Variants in MYO7A observed in about 807,000 individuals in gnomAD.
The protein encoded by MYO7A is myosin VIIA.
A neutral mutation model predicts 263.8 loss-of-function variants in MYO7A; 210 were observed. That is an observed-to-expected ratio of 0.80 (90% CI 0.71 to 0.89). The LOEUF is 0.89. Among genes scored for constraint, MYO7A ranks in the 40% least tolerant of loss-of-function variants. The pLI, the probability that MYO7A is intolerant of heterozygous loss-of-function variation, is 0.00. For synonymous variants in MYO7A, 1,239 were observed against 1,197.3 expected (o/e 1.03, Z -0.72); for missense variants, 2,820 against 2,968.3 (o/e 0.95, Z 1.16).
chr11:77,177,734 C>A, intron 19 of MYO7A, 91 bp downstream of exon 19: 9 of 1,071,556 alleles, frequency 8.4e-6, no homozygotes, highest in Admixed American at 4.2e-5. Flanking sequence ...CGCATGAACA[C>A]TAGGAAAAAA....
chr11:77,162,460 C>T, intron 13 of MYO7A, 130 bp downstream of exon 13: 1 of 899,842 alleles, frequency 1.1e-6, no homozygotes, highest in Non-Finnish European at 1.7e-6. Context: ...GCTCAGGGGC[C>T]AATTCAAGTA....
chr11:77,194,616 G>T, intron 32 of MYO7A, 92 bp downstream of exon 32: 2 of 1,365,478 alleles, frequency 1.5e-6, no homozygotes, highest in Admixed American at 5.1e-5. Flanking sequence ...TGTTGGGGCT[G>T]CGGGGGATGG....
chr11:77,181,687 C>T (rs2135488747), intron 23 of MYO7A, 98 bp downstream of exon 23: 2 of 1,196,800 alleles, frequency 1.7e-6, no homozygotes, highest in South Asian at 2.9e-5. Context: ...CACCCAGTCC[C>T]TCTGAACAGT....
chr11:77,147,796 A>G lies in MYO7A; in HGVS notation c.133-2A>G, dbSNP rs782064437. The G allele has an allele frequency of 4.2e-5, 67 of 1,608,948 alleles. No individual in the cohort carries two copies. The highest frequency in any genetic ancestry group is 5.7e-5 in the Non-Finnish European group (67 of 1,178,460). ...GCACGCTGACGTTCTGGCTCCCCGC[A>G]GGAACACTGGATCTCTCCGCAGAAC... On this transcript the variant is annotated splice_acceptor_variant, in intron 3 of 48. Coordinates refer to ENST00000409709, the MANE Select transcript of MYO7A (RefSeq NM_000260.4). LOFTEE classifies it high-confidence loss of function.
In MYO7A at chr11:77,172,755, A is replaced by T; in HGVS notation, c.1805A>T (p.Glu602Val). The T allele has an allele frequency of 6.4e-7, 1 of 1,557,358 alleles. No homozygotes were observed. The highest frequency in any genetic ancestry group is 8.7e-7 in the Non-Finnish European group (1 of 1,151,316). Reference protein sequence around the residue: ...IFQADVAMGAETRKRSPTLSS... With the variant: ...IFQADVAMGAVTRKRSPTLSS... ...TGCCGTCCGTCCCCCCAGGGCGCCG[A>T]GACCAGGAAGCGCTCGCCCACACTT... Residue 602 changes from glutamate (E) to valine (V), a missense_variant, in exon 16 of 49, where the codon GAG becomes GTG. Physicochemically the swap from Glu to Val is moderately radical, Grantham distance 121 (BLOSUM62 -2). Transcript: ENST00000409709.
At chr11:77,183,690 T>G (rs560595234) in intron 26 of MYO7A, among the ~76,000 whole-genome samples, 1 of 152,148 alleles carries the variant, frequency 6.6e-6, no homozygotes, top group Non-Finnish European at 1.5e-5. Context: ...ATTCACAGCC[T>G]TGGGGGCCAG....
intron 39 of MYO7A, among the ~76,000 whole-genome samples, chr11:77,204,453 T>C (rs1957299041): frequency 6.6e-6 from 1 of 152,194 alleles, no homozygotes; most frequent in South Asian, 2.1e-4. Context: ...GTCTGTCCTC[T>C]AAGGGTAACA....
chr11:77,146,737 C>G (rs1475471694), intron 3 of MYO7A, among the ~76,000 whole-genome samples: 2 of 152,046 alleles, frequency 1.3e-5, no homozygotes, highest in Admixed American at 1.3e-4. Context: ...TCCCCTTTCC[C>G]CCCAGAAGGC....
chr11:77,206,037 G>A (rs1400170506), intron 40 of MYO7A, 60 bp from the exon 41 acceptor site: 101 of 1,344,020 alleles, frequency 7.5e-5, no homozygotes, highest in Non-Finnish European at 9.5e-5. Context: ...CAAGTGTCCC[G>A]GTCCCCTGGT....
At chr11:77,135,674 T>C (rs2135546716) in intron 2 of MYO7A, among the ~76,000 whole-genome samples, 1 of 152,352 alleles carries the variant, frequency 6.6e-6, no homozygotes, top group South Asian at 2.1e-4. Flanking sequence ...TTGTATTATT[T>C]CACATTCCCA....
At position 77,162,179 on chromosome 11, in the gene MYO7A, A is replaced by G. The variant is rs200304238; in HGVS notation, c.1403A>G (p.His468Arg). 1.8e-4 allele frequency: 287 copies of G among 1,601,664 alleles called. 1 individual carries two copies. Among genetic ancestry groups the G allele is most frequent in the Non-Finnish European group, 2.4e-4 (277 of 1,174,110 alleles). Residue 468 changes from histidine to arginine, a missense_variant, in exon 13 of 49, where the codon CAC becomes CGC. Physicochemically the swap from His to Arg is conservative, Grantham distance 29 (BLOSUM62 0). Transcript: ENST00000409709. Reference sequence around the variant, plus strand: ...CACCTGCAGCAGTTCTTTGTGCGGCACGTGTTCAAGCTGGAGCAGGAGGAA... The same window carrying G: ...CACCTGCAGCAGTTCTTTGTGCGGCGCGTGTTCAAGCTGGAGCAGGAGGAA... ...NEHLQQFFVR[H>R]VFKLEQEEYD...
intron 44 of MYO7A, 150 bp downstream of exon 44, chr11:77,208,953 A>G (rs1044636093): frequency 3.1e-4 from 203 of 656,420 alleles, no homozygotes; most frequent in Non-Finnish European, 5.1e-4. Flanking sequence ...TGGAGCCCCA[A>G]GGGATGGCCC....
Position 77,213,844 on chromosome 11 carries a change from C to A in MYO7A, c.6439-16C>A, listed in dbSNP as rs770378831. On this transcript the variant is annotated splice_polypyrimidine_tract_variant and intron_variant, in intron 47 of 48. Transcript: ENST00000409709. Reference sequence around the variant, plus strand: ...GGCCCAGGCCGTGCCTCTCTATGCCCTTTCTGCTCCCCCAGGATATCCTCA... The same window carrying A: ...GGCCCAGGCCGTGCCTCTCTATGCCATTTCTGCTCCCCCAGGATATCCTCA... The A allele has an allele frequency of 1.2e-6, 2 of 1,613,980 alleles. No homozygotes were observed. Among genetic ancestry groups the A allele is most frequent in the Admixed American group, 3.3e-5 (2 of 60,032 alleles).
chr11:77,162,377 C>T, intron 13 of MYO7A, 47 bp downstream of exon 13: 5 of 1,513,096 alleles, frequency 3.3e-6, no homozygotes, highest in Non-Finnish European at 4.5e-6. Context: ...GTGCGCACAG[C>T]TTCCTTCCCT....
rs1950740691 is a variant in MYO7A, at chr11:77,130,638, G to GTGAT, written c.6_9dup (p.Leu4AspfsTer39). On this transcript the variant is annotated frameshift_variant, in exon 2 of 49. Coordinates refer to ENST00000409709, the MANE Select transcript of MYO7A (RefSeq NM_000260.4). LOFTEE classifies it high-confidence loss of function. ...CAGGAGCTCCTGACTTGGGACCATG[G>GTGAT]TGATTCTTCAGCAGGTCAGTGTTCC... The GTGAT allele has an allele frequency of 6.2e-7, 1 of 1,613,232 alleles. No individual in the cohort carries two copies.
chr11:77,152,489 C>T (rs1465784013), intron 4 of MYO7A, among the ~76,000 whole-genome samples: 2 of 152,216 alleles, frequency 1.3e-5, no homozygotes, highest in Non-Finnish European at 2.9e-5. Context: ...GGTTACTTCT[C>T]CCTCCTCCCA....
rs1172705730 is a variant in MYO7A, at chr11:77,172,750, C to T, written c.1800C>T (p.Gly600=). 12 of 1,556,022 alleles carry T rather than the reference C, an allele frequency of 7.7e-6. No homozygotes were observed. The highest frequency in any genetic ancestry group is 7.3e-5 in the East Asian group (3 of 41,260). The change falls in exon 16 of 49, where the codon GGC becomes GGT. Residue 600 remains glycine, a splice_region_variant and synonymous_variant. Transcript: ENST00000409709. ...KQIFQADVAM[G]AETRKRSPTL... ...ATCGCTGCCGTCCGTCCCCCCAGGG[C>T]GCCGAGACCAGGAAGCGCTCGCCCA...
Position 77,204,086 on chromosome 11 carries a change from G to C in MYO7A, c.5337G>C (p.Lys1779Asn). 6.2e-7 allele frequency: 1 copy of C among 1,600,796 alleles called. No individual in the cohort carries two copies. Among genetic ancestry groups the C allele is most frequent in the Non-Finnish European group, 8.5e-7 (1 of 1,173,958 alleles). The stretch of plus-strand genomic sequence containing the variant: ...CTTGACAGTCCCCAGCTGTGCTCAA[G>C]TACATGGGCGACTACCCGTCCAAGA... ...EACLAFIAVL[K>N]YMGDYPSKRT... The change falls in exon 39 of 49, where the codon AAG becomes AAC. Residue 1779 changes from lysine to asparagine, a missense_variant. Transcript: ENST00000409709.
At chr11:77,176,686 CCATT>C (rs2094004626) in intron 18 of MYO7A, among the ~76,000 whole-genome samples, 1 of 152,174 alleles carries the variant, frequency 6.6e-6, no homozygotes, top group African/African-American at 2.4e-5. Context: ...GCTCATTCAT[CCATT>C]CATTCATTCA....
Sources: gnomAD v4.1 joint callset for allele counts (sites outside exome capture counted in the v4.1 genomes callset) on GRCh38, gnomAD v4.1.1 for gene constraint, MANE v1.5 for transcripts, NCBI Gene and HGNC (gene_info 2026-07-23, HGNC 2026-07-21) for gene names.